Variants in TRPC5 observed in about 807,000 individuals in gnomAD.
The protein encoded by TRPC5 is transient receptor potential cation channel subfamily C member 5.
TRPC5 carries 9 observed loss-of-function variants against 56.5 expected under a neutral mutation model. The ratio of observed to expected loss-of-function variants is 0.16; its 90% CI spans 0.10 to 0.28. The LOEUF is 0.28. Among genes scored for constraint, TRPC5 ranks in the 10% least tolerant of loss-of-function variants. The probability of loss-of-function intolerance (pLI) is 1.00; values close to 1 mark genes in which losing one functional copy is unlikely to be tolerated. For synonymous variants in TRPC5, 282 were observed against 278.5 expected, an observed-to-expected ratio of 1.01 and a Z score of -0.13; for missense variants, 469 against 748.9, an observed-to-expected ratio of 0.63 and a Z score of 4.36.
chrX:111,854,021 A>T lies in TRPC5; in HGVS notation c.986T>A (p.Val329Asp). The T allele has an allele frequency of 8.3e-7, 1 of 1,211,752 alleles. No individual in the cohort carries two copies. The stretch of plus-strand genomic sequence containing the variant: ...AATGGTCATGCAGGTTAGAAGCTTG[A>T]CTACCCAGTGTTTCCGCCGCCATCC... ...FPGWRRKHWV[V>D]KLLTCMTIGF... Residue 329 changes from valine (V) to aspartate (D), a missense_variant, in exon 4 of 11, where the codon GTC becomes GAC. Coordinates refer to ENST00000262839, the MANE Select transcript of TRPC5 (RefSeq NM_012471.3).
intron 1 of TRPC5, among the ~76,000 whole-genome samples, chrX:112,001,404 TAAG>T (rs747491726): frequency 8.9e-6 from 1 of 111,990 alleles, no homozygotes; most frequent in East Asian, 2.8e-4. Context: ...TTACATAAGT[TAAG>T]AATGCAAAGT....
At chrX:112,050,900 C>T (rs1299029611) in intron 1 of TRPC5, among the ~76,000 whole-genome samples, 1 of 112,327 alleles carries the variant, frequency 8.9e-6, no homozygotes, top group Non-Finnish European at 1.9e-5. Flanking sequence ...AATCAAAATA[C>T]GTTAACTGAC....
intron 1 of TRPC5, among the ~76,000 whole-genome samples, chrX:111,989,257 G>A (rs1363025141): frequency 9.0e-6 from 1 of 111,679 alleles, no homozygotes; most frequent in Non-Finnish European, 1.9e-5. Flanking sequence ...GGAAAGAAAG[G>A]CTTTTCAGAC....
chrX:111,920,382 AC>A (rs1926097122), intron 2 of TRPC5, among the ~76,000 whole-genome samples: 1 of 110,792 alleles, frequency 9.0e-6, no homozygotes, highest in Non-Finnish European at 1.9e-5. Flanking sequence ...CCGTAAGAGC[AC>A]CCCCCTTCAA....
chrX:111,800,647 G>C (rs957371022), intron 7 of TRPC5, among the ~76,000 whole-genome samples: 4 of 110,211 alleles, frequency 3.6e-5, no homozygotes, highest in African/African-American at 1.3e-4. Flanking sequence ...CCAGCTACTA[G>C]GGAGGCTGAG....
chrX:112,052,505 T>A (rs2147734640), intron 1 of TRPC5, among the ~76,000 whole-genome samples: 1 of 111,497 alleles, frequency 9.0e-6, no homozygotes, highest in Admixed American at 9.5e-5. Context: ...GTTGTAGGAG[T>A]TCTTTATATA....
At chrX:111,782,181 G>A in intron 7 of TRPC5, 43 bp from the exon 8 acceptor site, 1 of 1,095,541 alleles carries the variant, frequency 9.1e-7, no homozygotes, top group African/African-American at 1.8e-5. Context: ...ATGGGAAACT[G>A]CACGATGTAC....
chrX:111,942,218 A>AT (rs201146992), intron 2 of TRPC5, among the ~76,000 whole-genome samples: 10,916 of 111,891 alleles, frequency 0.098, 755 homozygotes, highest in African/African-American at 0.24. Context: ...CTCATCAGCC[A>AT]TATCTCTTGA....
At chrX:112,048,551 T>C (rs1930130984) in intron 1 of TRPC5, among the ~76,000 whole-genome samples, 1 of 110,496 alleles carries the variant, frequency 9.1e-6, no homozygotes, top group Non-Finnish European at 1.9e-5. Context: ...ATCAGTATGA[T>C]AACCCTAACC....
chrX:111,768,227 C>T lies in TRPC5; in HGVS notation c.*8086G>A, dbSNP rs781707125. 8.9e-6 allele frequency among the ~76,000 whole-genome samples: 1 copy of T among 112,091 alleles called. No individual in the cohort carries two copies. Among genetic ancestry groups the T allele is most frequent in the African/African-American group, 3.2e-5 (1 of 31,011 alleles). ...TTTACACAGACACATTTGGAATTTT[C>T]CCTTTTCATGATTATGCTCAAGATG... is the stretch of plus-strand genomic sequence containing the variant. On this transcript the variant is annotated 3_prime_UTR_variant, in exon 11 of 11. Coordinates refer to ENST00000262839, the MANE Select transcript of TRPC5 (RefSeq NM_012471.3).
At chrX:111,925,190 T>C (rs1926226024) in intron 2 of TRPC5, among the ~76,000 whole-genome samples, 1 of 112,556 alleles carries the variant, frequency 8.9e-6, no homozygotes, top group African/African-American at 3.2e-5. Context: ...CAGGAAAAGA[T>C]GTACCTAAAC....
chrX:111,845,876 C>A (rs1922909726), intron 6 of TRPC5, among the ~76,000 whole-genome samples: 1 of 111,640 alleles, frequency 9.0e-6, no homozygotes, highest in Non-Finnish European at 1.9e-5. Context: ...CTGGTTTCCA[C>A]ACCCAAGATT....
At chrX:111,983,403 C>T (rs1928132054) in intron 1 of TRPC5, among the ~76,000 whole-genome samples, 1 of 111,762 alleles carries the variant, frequency 8.9e-6, no homozygotes, top group African/African-American at 3.3e-5. Flanking sequence ...CAGAACAGAT[C>T]ATACTGTCCA....
intron 3 of TRPC5, among the ~76,000 whole-genome samples, chrX:111,866,096 A>T (rs377459154): frequency 8.8e-6 from 1 of 113,403 alleles, no homozygotes; most frequent in East Asian, 2.8e-4. Context: ...GATTCCATAG[A>T]CCAAGCTTTC....
At chrX:111,786,954 C>A (rs7053161) in intron 7 of TRPC5, among the ~76,000 whole-genome samples, 6 of 111,054 alleles carry the variant, frequency 5.4e-5, no homozygotes, top group African/African-American at 2.0e-4. Context: ...TAGACTCCCA[C>A]ACAATAATAA....
rs373542762 is a variant in TRPC5, at chrX:111,781,971, G to C, written c.2064C>G (p.Asp688Glu). 8.3e-7 allele frequency: 1 copy of C among 1,205,197 alleles called. No homozygotes were observed. Among genetic ancestry groups the C allele is most frequent in the African/African-American group, 1.7e-5 (1 of 57,634 alleles). Reference sequence around the variant, plus strand: ...TCAAGTTGCGCCTTCTCCGTCTACCGTCAGGGTCTCTTTTGGGGCAGAAGG... The same window carrying C: ...TCAAGTTGCGCCTTCTCCGTCTACCCTCAGGGTCTCTTTTGGGGCAGAAGG... Reference protein sequence around the residue: ...NNTFCPKRDPDGRRRRRNLRS... With the variant: ...NNTFCPKRDPEGRRRRRNLRS... The change falls in exon 8 of 11, where the codon GAC (aspartate) becomes GAG (glutamate). Residue 688 changes from aspartate (D) to glutamate (E), a missense_variant. By Grantham distance (45) the Asp-to-Glu change is conservative. Coordinates refer to ENST00000262839, the MANE Select transcript of TRPC5 (RefSeq NM_012471.3).
intron 1 of TRPC5, among the ~76,000 whole-genome samples, chrX:112,038,170 A>T (rs1929796969): frequency 8.9e-6 from 1 of 111,772 alleles, no homozygotes; most frequent in Non-Finnish European, 1.9e-5. Context: ...CAAGAGATGG[A>T]GCTTTTGAAA....
At chrX:111,811,374 C>A (rs1921700118) in intron 7 of TRPC5, among the ~76,000 whole-genome samples, 1 of 112,723 alleles carries the variant, frequency 8.9e-6, no homozygotes, top group Admixed American at 9.4e-5. Context: ...TGAACTAAAA[C>A]AATTTCAATA....
intron 1 of TRPC5, among the ~76,000 whole-genome samples, chrX:112,074,395 T>C (rs115463120): frequency 0.027 from 2,928 of 110,067 alleles, 105 homozygotes; most frequent in African/African-American, 0.092. Flanking sequence ...TAAATTTCTA[T>C]AATTGCTTCC....
Sources: gnomAD v4.1 joint callset for allele counts (sites outside exome capture counted in the v4.1 genomes callset) on GRCh38, gnomAD v4.1.1 for gene constraint, MANE v1.5 for transcripts, NCBI Gene and HGNC (gene_info 2026-07-23, HGNC 2026-07-21) for gene names.